The following NAALADL2 variants were observed in gnomAD, a reference collection of about 807,000 sequenced individuals.
NAALADL2 encodes N-acetylated alpha-linked acidic dipeptidase like 2, also known as inactive N-acetylated-alpha-linked acidic dipeptidase-like protein 2.
In NAALADL2, 76 loss-of-function variants were observed where a neutral mutation model predicts 87.2. The ratio of observed to expected loss-of-function variants is 0.87; its 90% CI spans 0.72 to 1.05. The LOEUF is 1.05. Among genes scored for constraint, NAALADL2 ranks in the 50% least tolerant of loss-of-function variants. The pLI is 0.00. For synonymous variants in NAALADL2, 354 were observed against 331.0 expected, an observed-to-expected ratio of 1.07 and a Z score of -0.75; for missense variants, 1,089 against 945.8, an observed-to-expected ratio of 1.15 and a Z score of -1.99.
rs900953927 is a variant in NAALADL2, at chr3:175,807,125, A to G, written c.*3922A>G. On this transcript the variant is annotated 3_prime_UTR_variant, in exon 14 of 14. Transcript: ENST00000454872. ...ACGAGTAGGCTTACAAACAGTAAAA[A>G]GAGACCAGAAACCACAAGTCTTACA... 2 of 151,864 alleles carry G rather than the reference A, an allele frequency of 1.3e-5. No homozygotes were observed. Among genetic ancestry groups the G allele is most frequent in the Non-Finnish European group, 2.9e-5 (2 of 67,864 alleles). 9.4% of individuals were successfully genotyped at this position (151,864 alleles called of 1,614,324 possible). A position where few individuals can be genotyped will look rare whatever the true frequency, so the allele number is the denominator to read the frequency against.
At chr3:175,135,896 G>A (rs935265260) in intron 2 of NAALADL2, among the ~76,000 whole-genome samples, 6 of 152,158 alleles carry the variant, frequency 3.9e-5, no homozygotes, top group Non-Finnish European at 7.4e-5. Context: ...TTAAGAATAA[G>A]CCTGGAGAAG....
chr3:175,651,420 A>C (rs1053419425), intron 11 of NAALADL2, among the ~76,000 whole-genome samples: 1 of 152,156 alleles, frequency 6.6e-6, no homozygotes, highest in Non-Finnish European at 1.5e-5. Flanking sequence ...ATCTACTAAC[A>C]TGAGCTTTGG....
intron 1 of NAALADL2, among the ~76,000 whole-genome samples, chr3:174,522,635 T>G (rs1031258041): frequency 6.6e-6 from 1 of 151,662 alleles, no homozygotes; most frequent in Admixed American, 6.6e-5. Context: ...CAAGACCGTG[T>G]CTTAAAACAA....
At position 174,743,437 on chromosome 3, in the gene NAALADL2, T is replaced by C. The variant is rs370077226; in HGVS notation, c.-9+5691T>C. ...AATTGGATTCCAAATAAAATTATAG[T>C]TTTACTAAATAAATAATGAAAAAGT... On this transcript the variant is annotated intron_variant, in intron 3 of 3. Transcript: ENST00000434257. Among the ~76,000 whole-genome samples, 15 of 151,926 alleles carry C rather than the reference T, an allele frequency of 9.9e-5. 1 individual carries two copies. The highest frequency in any genetic ancestry group is 2.6e-4 in the African/African-American group (11 of 41,542).
At chr3:174,694,982 AATTC>A in intron 2 of NAALADL2, among the ~76,000 whole-genome samples, 1 of 152,154 alleles carries the variant, frequency 6.6e-6, no homozygotes, top group African/African-American at 2.4e-5. Flanking sequence ...AGAAGCAAGG[AATTC>A]ATTGTCTAAC....
chr3:175,318,999 G>C (rs1054027718), intron 4 of NAALADL2, among the ~76,000 whole-genome samples: 6 of 152,078 alleles, frequency 3.9e-5, no homozygotes, highest in Non-Finnish European at 8.8e-5. Flanking sequence ...TTCTTCTATA[G>C]TAAGCAAACA....
chr3:175,231,018 T>C (rs1356819443), intron 2 of NAALADL2, among the ~76,000 whole-genome samples: 2 of 151,998 alleles, frequency 1.3e-5, no homozygotes, highest in Non-Finnish European at 2.9e-5. Context: ...AATATTTATC[T>C]TAGGAAAACT....
At chr3:174,535,335 A>G (rs914017476) in intron 1 of NAALADL2, among the ~76,000 whole-genome samples, 3 of 152,166 alleles carry the variant, frequency 2.0e-5, no homozygotes, top group South Asian at 4.1e-4. Flanking sequence ...ATATAGGAAT[A>G]CAGTATTAGT....
chr3:175,294,585 G>C (rs895319464), intron 4 of NAALADL2, among the ~76,000 whole-genome samples: 1 of 152,152 alleles, frequency 6.6e-6, no homozygotes, highest in Non-Finnish European at 1.5e-5. Context: ...CCAAGATCAC[G>C]TAGCTTGGAG....
chr3:174,581,994 C>T (rs1173905282), intron 2 of NAALADL2, among the ~76,000 whole-genome samples: 1 of 152,082 alleles, frequency 6.6e-6, no homozygotes, highest in African/African-American at 2.4e-5. Flanking sequence ...TACTGCATAG[C>T]ACAATATTCT....
intron 2 of NAALADL2, among the ~76,000 whole-genome samples, chr3:174,605,248 G>C (rs1456590491): frequency 6.6e-6 from 1 of 152,190 alleles, no homozygotes; most frequent in African/African-American, 2.4e-5. Flanking sequence ...GCAGAAGACG[G>C]GTGATTTCTG....
chr3:174,453,137 C>T (rs1288525476), intron 1 of NAALADL2, among the ~76,000 whole-genome samples: 1 of 152,032 alleles, frequency 6.6e-6, no homozygotes, highest in Non-Finnish European at 1.5e-5. Flanking sequence ...TTTTGTAATG[C>T]AATCACAAGT....
chr3:175,157,421 T>C (rs1732490425), intron 2 of NAALADL2, among the ~76,000 whole-genome samples: 1 of 152,040 alleles, frequency 6.6e-6, no homozygotes, highest in Non-Finnish European at 1.5e-5. Context: ...CCAGTCAGAG[T>C]TGCTGTGATT....
intron 2 of NAALADL2, among the ~76,000 whole-genome samples, chr3:174,617,180 C>G (rs73042692): frequency 6.6e-6 from 1 of 151,802 alleles, no homozygotes; most frequent in African/African-American, 2.4e-5. Flanking sequence ...GCTTGTCGAA[C>G]AGGTAAATTT....
At chr3:174,462,959 T>C (rs1485550814) in intron 1 of NAALADL2, among the ~76,000 whole-genome samples, 1 of 152,236 alleles carries the variant, frequency 6.6e-6, no homozygotes, top group East Asian at 1.9e-4. Context: ...TTATGAGCAG[T>C]CTGTATATCT....
chr3:174,471,627 C>T (rs960465314), intron 1 of NAALADL2, among the ~76,000 whole-genome samples: 13 of 151,902 alleles, frequency 8.6e-5, no homozygotes, highest in African/African-American at 3.1e-4. Flanking sequence ...AAAAATAAGG[C>T]CTCTGCAAAT....
intron 11 of NAALADL2, among the ~76,000 whole-genome samples, chr3:175,689,004 T>G (rs1022359397): frequency 1.3e-5 from 2 of 152,220 alleles, no homozygotes; most frequent in Non-Finnish European, 2.9e-5. Context: ...CTTTTGTGAT[T>G]GTTTATGATC....
chr3:174,740,473 T>C (rs570602236), intron 3 of NAALADL2, among the ~76,000 whole-genome samples: 1 of 152,034 alleles, frequency 6.6e-6, no homozygotes, highest in South Asian at 2.1e-4. Context: ...AAAATCAAAG[T>C]GCCATTGTTT....
At chr3:175,425,571 T>G (rs1029050365) in intron 5 of NAALADL2, among the ~76,000 whole-genome samples, 1 of 152,142 alleles carries the variant, frequency 6.6e-6, no homozygotes, top group African/African-American at 2.4e-5. Context: ...TGAACACTAA[T>G]CTCATTGGTC....
Sources: allele counts gnomAD v4.1 joint callset (sites outside exome capture counted in the v4.1 genomes callset), GRCh38; gene constraint gnomAD v4.1.1; transcripts MANE v1.5; gene names NCBI Gene and HGNC (gene_info 2026-07-23, HGNC 2026-07-21).